The following EIF2AK2 variants were observed in gnomAD, a reference collection of about 807,000 sequenced individuals.
The protein encoded by EIF2AK2 is eukaryotic translation initiation factor 2 alpha kinase 2, also known as interferon-induced, double-stranded RNA-activated protein kinase.
In EIF2AK2, 40 loss-of-function variants were observed where a neutral mutation model predicts 70.5. The observed-to-expected ratio is 0.57, with a 90% CI of 0.44 to 0.74. The LOEUF (loss-of-function observed/expected upper bound fraction) is 0.74. Among genes scored for constraint, EIF2AK2 ranks in the 30% least tolerant of loss-of-function variants. EIF2AK2 has a pLI of 0.00. For missense variants in EIF2AK2, 555 were observed against 644.3 expected (o/e 0.86, Z 1.50); for synonymous variants, 198 against 220.9 (o/e 0.90, Z 0.92).
chr2:37,144,507 G>A (rs1220070902), intron 4 of EIF2AK2, among the ~76,000 whole-genome samples: 6 of 152,144 alleles, frequency 3.9e-5, no homozygotes, highest in African/African-American at 9.7e-5. Context: ...AAATCTGGAG[G>A]TGGAAGATGG....
At chr2:37,128,022 A>G (rs1281251055) in intron 10 of EIF2AK2, among the ~76,000 whole-genome samples, 1 of 152,174 alleles carries the variant, frequency 6.6e-6, no homozygotes, top group East Asian at 1.9e-4. Flanking sequence ...GATAACAGGC[A>G]TGAGCCACTG....
At position 37,107,553 on chromosome 2, in the gene EIF2AK2, A is replaced by G. The variant is rs780648567; in HGVS notation, c.1480-26T>C. 1.1e-5 allele frequency: 17 copies of G among 1,596,610 alleles called. No homozygotes were observed. The South Asian group carries it at 1.8e-4, about 17-fold the overall frequency. ...CTGGAAAAAAAAATGATAGGTGTAT[A>G]TTAGGAAATTATTTACTTGGGAGGA... On this transcript the variant is annotated intron_variant, in intron 15 of 16. Transcript: ENST00000233057.
intron 1 of EIF2AK2, among the ~76,000 whole-genome samples, chr2:37,152,348 C>T (rs1675772888): frequency 2.0e-5 from 3 of 152,132 alleles, no homozygotes; most frequent in Admixed American, 2.0e-4. Flanking sequence ...GTAACATGAT[C>T]TCAGCTCACT....
chr2:37,121,262 C>CAA (rs70949733), intron 12 of EIF2AK2, among the ~76,000 whole-genome samples: 2,103 of 71,978 alleles, frequency 0.029, 61 homozygotes, highest in East Asian at 0.055. Context: ...GACACCGTCT[C>CAA]AAAAAAAAAA....
At chr2:37,138,385 A>G in intron 7 of EIF2AK2, 22 bp from the exon 8 acceptor site, 1 of 1,605,848 alleles carries the variant, frequency 6.2e-7, no homozygotes, top group Non-Finnish European at 8.5e-7. Flanking sequence ...GGGTGTAACT[A>G]TTAGTTTATT....
At chr2:37,147,051 C>T (rs1675570349) in intron 3 of EIF2AK2, 78 bp from the exon 4 acceptor site, 1 of 1,339,124 alleles carries the variant, frequency 7.5e-7, no homozygotes. Context: ...GTCATCACTA[C>T]CTCCTATGAC....
chr2:37,148,465 G>A, intron 2 of EIF2AK2: 1 of 478,642 alleles, frequency 2.1e-6, no homozygotes, highest in Non-Finnish European at 3.9e-6. Flanking sequence ...TCAAGCTAAG[G>A]GTGATCAGCC....
intron 10 of EIF2AK2, among the ~76,000 whole-genome samples, chr2:37,129,657 T>G (rs1674872735): frequency 6.6e-6 from 1 of 152,180 alleles, no homozygotes; most frequent in Non-Finnish European, 1.5e-5. Flanking sequence ...TGTTCATTTG[T>G]TTCTGTTGAT....
intron 14 of EIF2AK2, among the ~76,000 whole-genome samples, chr2:37,111,875 AAAAATATATAT>A (rs1459079828): frequency 2.5e-5 from 1 of 40,158 alleles, no homozygotes; most frequent in Non-Finnish European, 5.7e-5. Flanking sequence ...AAAAAAAAAA[AAAAATATATAT>A]ATATATATAT....
At chr2:37,148,732 G>A (rs930811910) in intron 2 of EIF2AK2, 125 bp downstream of exon 2, 26 of 835,792 alleles carry the variant, frequency 3.1e-5, no homozygotes, top group Non-Finnish European at 4.6e-5. Flanking sequence ...ACAGATTTGA[G>A]GATTTACAGA....
chr2:37,113,712 A>C (rs1674238926), intron 14 of EIF2AK2, among the ~76,000 whole-genome samples: 1 of 152,160 alleles, frequency 6.6e-6, no homozygotes, highest in Non-Finnish European at 1.5e-5. Context: ...GAAAATGTTT[A>C]AGTAAATATA....
Position 37,107,340 on chromosome 2 carries a change from G to A in EIF2AK2, c.1589C>T (p.Ser530Phe). ...CACAGTCAAGGTCCTTAGTATTTCA[G>A]ATGTGTTAGGTCGATCCTCAGGTTT... ...SKKPEDRPNTSEILRTLTVWK... is the reference protein window; with the variant it reads ...SKKPEDRPNTFEILRTLTVWK... The change falls in exon 17 of 17, where the codon TCT becomes TTT. Residue 530 changes from serine (S) to phenylalanine (F), a missense_variant. Transcript: ENST00000233057. The A allele has an allele frequency of 6.2e-7, 1 of 1,613,998 alleles. No homozygotes were observed. The highest frequency in any genetic ancestry group is 8.5e-7 in the Non-Finnish European group (1 of 1,179,980).
At chr2:37,111,960 T>TAGA (rs1261841596) in intron 14 of EIF2AK2, among the ~76,000 whole-genome samples, 1 of 143,412 alleles carries the variant, frequency 7.0e-6, no homozygotes, top group African/African-American at 2.6e-5. Flanking sequence ...TATATATAGA[T>TAGA]TTTGAACAGT....
At chr2:37,151,139 A>T (rs1275689146) in intron 1 of EIF2AK2, among the ~76,000 whole-genome samples, 2 of 152,214 alleles carry the variant, frequency 1.3e-5, no homozygotes, top group African/African-American at 4.8e-5. Flanking sequence ...ATCAAAGGAC[A>T]CTATGAAGAA....
Position 37,103,525 on chromosome 2 carries a change from A to C in EIF2AK2, c.*3748T>G, listed in dbSNP as rs1673880304. ...TAGGAATATTAAAATGAGGTCAGTA[A>C]AGATAAGGCTACATTCTCACTAACT... On this transcript the variant is annotated 3_prime_UTR_variant, in exon 17 of 17. Coordinates refer to ENST00000233057, the MANE Select transcript of EIF2AK2 (RefSeq NM_001135651.3). 6.6e-6 allele frequency: 1 copy of C among 152,212 alleles called. No individual in the cohort carries two copies. The highest frequency in any genetic ancestry group is 2.4e-5 in the African/African-American group (1 of 41,454). The allele number at this position is 152,212 out of a possible 1,614,324, so 9.4% of individuals were successfully genotyped here. A position where few individuals can be genotyped will look rare whatever the true frequency, so the allele number is the denominator to read the frequency against.
rs1208109131 is a variant in EIF2AK2, at chr2:37,120,103, G to A, written c.1104C>T (p.Phe368=). 1 of 1,480,846 alleles carries A rather than the reference G, an allele frequency of 6.8e-7. No individual in the cohort carries two copies. Among genetic ancestry groups the A allele is most frequent in the East Asian group, 2.6e-5 (1 of 38,840 alleles). The allele number at this position is 1,480,846 out of a possible 1,614,324, so 91.7% of individuals were successfully genotyped here. Residue 368 remains phenylalanine, a synonymous_variant, in exon 13 of 17, where the codon TTC becomes TTT. Coordinates refer to ENST00000233057, the MANE Select transcript of EIF2AK2 (RefSeq NM_001135651.3). ...KTKCLFIQME[F]CDKGTLEQWI... is the part of the protein sequence containing the mutation. ...ATTGTTCCAAGGTCCCTTTATCACAGAATTCCATTTGGATGAAAAGGCACT... is the reference window on the plus strand; with the variant it reads ...ATTGTTCCAAGGTCCCTTTATCACAAAATTCCATTTGGATGAAAAGGCACT...
At chr2:37,122,090 C>T (rs949818544) in intron 12 of EIF2AK2, among the ~76,000 whole-genome samples, 1 of 152,154 alleles carries the variant, frequency 6.6e-6, no homozygotes, top group Non-Finnish European at 1.5e-5. Flanking sequence ...GGCACCACAC[C>T]AATCACAGCC....
intron 15 of EIF2AK2, 118 bp from the exon 16 acceptor site, chr2:37,107,645 C>G (rs1020439702): frequency 4.3e-5 from 49 of 1,142,220 alleles, no homozygotes; most frequent in Non-Finnish European, 4.3e-5. Flanking sequence ...GGGAAAGTCT[C>G]TTTAGCCAAG....
intron 1 of EIF2AK2, among the ~76,000 whole-genome samples, chr2:37,156,176 G>C (rs993867461): frequency 6.6e-6 from 1 of 152,126 alleles, no homozygotes; most frequent in African/African-American, 2.4e-5. Flanking sequence ...GAAACAAGCA[G>C]TGCAAAGGCC....
Sources: gnomAD v4.1 joint callset for allele counts (sites outside exome capture counted in the v4.1 genomes callset) on GRCh38, gnomAD v4.1.1 for gene constraint, MANE v1.5 for transcripts, NCBI Gene and HGNC (gene_info 2026-07-23, HGNC 2026-07-21) for gene names.